Variants in VAC14 observed in about 807,000 individuals in gnomAD.
VAC14 encodes the protein protein VAC14 homolog.
A neutral mutation model predicts 85.3 loss-of-function variants in VAC14; 47 were observed. The observed-to-expected ratio is 0.55, with a 90% CI of 0.44 to 0.70. The LOEUF (loss-of-function observed/expected upper bound fraction) is 0.70. Among genes scored for constraint, VAC14 ranks in the 30% least tolerant of loss-of-function variants. The pLI is 0.00. For synonymous variants in VAC14, 447 were observed against 430.5 expected (o/e 1.04, Z -0.47); for missense variants, 861 against 1,004.3 (o/e 0.86, Z 1.93).
rs755694226 is a variant in VAC14 at position 70,762,854 on chromosome 16, C to G, written c.1305+27G>C. On this transcript the variant is annotated intron_variant, in intron 11 of 18. Coordinates refer to ENST00000261776, the MANE Select transcript of VAC14 (RefSeq NM_018052.5). This position sits in a 1 kb window ranked among gnomAD's most constrained non-coding sequence, Gnocchi z 4.1. ...AACCAAGGCGGACCCAGAAGAGGCC[C>G]CTGGCTTGGAGGGGCCCAGGGCTCA... 1.9e-6 allele frequency: 3 copies of G among 1,613,916 alleles called. No individual in the cohort carries two copies. Among genetic ancestry groups the G allele is most frequent in the Non-Finnish European group, 2.5e-6 (3 of 1,179,898 alleles).
At chr16:70,793,516 A>G (rs752425005) in intron 1 of VAC14, among the ~76,000 whole-genome samples, 28 of 152,172 alleles carry the variant, frequency 1.8e-4, no homozygotes, top group Admixed American at 6.5e-4. Context: ...CTTATCCACT[A>G]TATTAGACTA....
At position 70,698,799 on chromosome 16, in the gene VAC14, G is replaced by A. The variant is rs757813618; in HGVS notation, c.1674C>T (p.Leu558=). 33 of 1,613,860 alleles carry A rather than the reference G, an allele frequency of 2.0e-5. No homozygotes were observed. The Admixed American group carries it at 5.3e-4, about 26-fold the overall frequency. ...GGAAGATGTTCTCCGCATTCAGCAG[G>A]AGGCACAGCTGCCTGGAGAGCAGGC... ...RGPFIIRQLC[L]LLNAENIFHS... Residue 558 remains leucine (L), a synonymous_variant, in exon 15 of 19, where the codon CTC becomes CTT. Transcript: ENST00000261776.
At chr16:70,729,275 T>C (rs956538653) in intron 14 of VAC14, among the ~76,000 whole-genome samples, 6 of 152,320 alleles carry the variant, frequency 3.9e-5, no homozygotes, top group Admixed American at 2.6e-4. Context: ...AGCCCTGCTC[T>C]AGAAGAGCCC....
At chr16:70,709,422 C>T (rs2053983760) in intron 14 of VAC14, among the ~76,000 whole-genome samples, 1 of 152,204 alleles carries the variant, frequency 6.6e-6, no homozygotes, top group Non-Finnish European at 1.5e-5. Flanking sequence ...CAGAAGCTTC[C>T]TGTGGCTCCG....
At chr16:70,742,353 G>T (rs1345993484) in intron 13 of VAC14, among the ~76,000 whole-genome samples, 2 of 152,078 alleles carry the variant, frequency 1.3e-5, no homozygotes, top group Non-Finnish European at 2.9e-5. Flanking sequence ...CCTTCCTAAG[G>T]AAGAGATATC....
chr16:70,784,740 A>G (rs984098869), intron 4 of VAC14, 36 bp downstream of exon 4: 1 of 1,587,050 alleles, frequency 6.3e-7, no homozygotes, highest in Non-Finnish European at 8.7e-7. Context: ...GGAGAAACAG[A>G]TTGTAGAAAT....
intron 10 of VAC14, 148 bp from the exon 11 acceptor site, chr16:70,763,173 C>T: frequency 8.5e-7 from 1 of 1,173,866 alleles, no homozygotes; most frequent in Non-Finnish European, 1.2e-6. Context: ...ATAACCTGAT[C>T]CCACACATCC....
chr16:70,698,537 CCT>C, intron 15 of VAC14, 98 bp downstream of exon 15: 1 of 1,458,080 alleles, frequency 6.9e-7, no homozygotes. Context: ...CCGTCTTCTC[CCT>C]GAGAGCCTCC....
At chr16:70,734,697 T>C (rs1045144617) in intron 13 of VAC14, among the ~76,000 whole-genome samples, 1 of 152,150 alleles carries the variant, frequency 6.6e-6, no homozygotes, top group Non-Finnish European at 1.5e-5. Flanking sequence ...TAATAGCCAA[T>C]TCATAGCTAC....
At chr16:70,711,724 C>T (rs1170237375) in intron 14 of VAC14, among the ~76,000 whole-genome samples, 1 of 152,198 alleles carries the variant, frequency 6.6e-6, no homozygotes, top group Non-Finnish European at 1.5e-5. Flanking sequence ...GGAGCTAGAG[C>T]CATGAGTGCC....
intron 12 of VAC14, among the ~76,000 whole-genome samples, chr16:70,761,608 G>C (rs954813278): frequency 6.6e-6 from 1 of 152,164 alleles, no homozygotes; most frequent in Non-Finnish European, 1.5e-5. Flanking sequence ...TGTGTGGCTG[G>C]GGCAGACTCC....
chr16:70,725,980 G>A (rs188985854), intron 14 of VAC14, among the ~76,000 whole-genome samples: 92 of 152,368 alleles, frequency 6.0e-4, no homozygotes, highest in Middle Eastern at 3.4e-3. Context: ...ATGCACAGTC[G>A]CTGAAGCCAA....
chr16:70,781,894 G>T lies in VAC14; in HGVS notation c.921C>A (p.Cys307Ter). 3 of 1,614,156 alleles carry T rather than the reference G, an allele frequency of 1.9e-6. No individual in the cohort carries two copies. Among genetic ancestry groups the T allele is most frequent in the Non-Finnish European group, 2.5e-6 (3 of 1,180,028 alleles). The change falls in exon 8 of 19, where the codon TGC becomes TGA. Residue 307 changes from cysteine to a stop codon, truncating the protein, a stop_gained. Coordinates refer to ENST00000261776, the MANE Select transcript of VAC14 (RefSeq NM_018052.5). LOFTEE classifies it high-confidence loss of function. ...SSGILTAVLP[C>*]LAYDDRKKSI... ...TTTTCTTGCGGTCATCGTAGGCCAA[G>T]CAGGGCAAGACAGCAGTCAGGATCC...
At chr16:70,720,720 T>C (rs1043828036) in intron 14 of VAC14, among the ~76,000 whole-genome samples, 3 of 152,152 alleles carry the variant, frequency 2.0e-5, no homozygotes, top group African/African-American at 7.2e-5. Context: ...AGTGCCACAA[T>C]CAGGTGGAAG....
chr16:70,718,862 C>A (rs532903221), intron 14 of VAC14, among the ~76,000 whole-genome samples: 1 of 152,174 alleles, frequency 6.6e-6, no homozygotes, highest in Non-Finnish European at 1.5e-5. Context: ...GTCTCTGCCA[C>A]TTGGAAGAGA....
chr16:70,799,899 A>T (rs191078148), intron 1 of VAC14, among the ~76,000 whole-genome samples: 2 of 152,376 alleles, frequency 1.3e-5, no homozygotes, highest in Admixed American at 6.5e-5. Context: ...AGTGTGACTG[A>T]GAAACTAAAG....
rs982916442 is a variant in VAC14, at chr16:70,784,108, C to T, written c.594+5G>A. On this transcript the variant is annotated splice_donor_5th_base_variant and intron_variant, in intron 5 of 18. Coordinates refer to ENST00000261776, the MANE Select transcript of VAC14 (RefSeq NM_018052.5). ...CTGGAGAAACGGTGTCCGGCCAGGC[C>T]TTACCCAGGAGATGATGAACTGCCG... The T allele has an allele frequency of 1.9e-6, 3 of 1,613,498 alleles. No homozygotes were observed. Among genetic ancestry groups the T allele is most frequent in the East Asian group, 2.2e-5 (1 of 44,896 alleles).
intron 3 of VAC14, among the ~76,000 whole-genome samples, chr16:70,785,408 T>A (rs186769313): frequency 2.2e-4 from 33 of 152,318 alleles, no homozygotes; most frequent in Non-Finnish European, 1.2e-4. Context: ...GTCAGCATCA[T>A]CCCCTTCTAC....
chr16:70,797,754 T>C (rs2034605059), intron 1 of VAC14, among the ~76,000 whole-genome samples: 1 of 152,308 alleles, frequency 6.6e-6, no homozygotes, highest in South Asian at 2.1e-4. Context: ...CACCATCTTC[T>C]TGGTGCTGTT....
Sources: allele counts gnomAD v4.1 joint callset (sites outside exome capture counted in the v4.1 genomes callset), GRCh38; gene constraint gnomAD v4.1.1; non-coding constraint Gnocchi (gnomAD v3.1); transcripts MANE v1.5; gene names NCBI Gene and HGNC (gene_info 2026-07-23, HGNC 2026-07-21).